The following PYY variants were observed in gnomAD, a reference collection of about 807,000 sequenced individuals.
The protein encoded by PYY is peptide tyrosine tyrosine.
A neutral mutation model predicts 10.3 loss-of-function variants in PYY; 12 were observed. The ratio of observed to expected loss-of-function variants is 1.17; its 90% confidence interval spans 0.75 to 1.89. The LOEUF is 1.89. Ranked by LOEUF, PYY falls within the 40% of genes most tolerant of loss-of-function variation. The pLI is 0.00. For missense variants in PYY, 141 were observed against 134.0 expected, an observed-to-expected ratio of 1.05 and a Z score of -0.26; for synonymous variants, 66 against 62.0, an observed-to-expected ratio of 1.06 and a Z score of -0.30.
chr17:43,980,975 G>A (rs1270529238), intron 1 of PYY, among the ~76,000 whole-genome samples: 1 of 151,798 alleles, frequency 6.6e-6, no homozygotes, highest in East Asian at 1.9e-4. Context: ...GATTACTGTG[G>A]CTACGAGCAT....
At chr17:43,982,890 A>G (rs570355758) in intron 1 of PYY, among the ~76,000 whole-genome samples, 1 of 152,068 alleles carries the variant, frequency 6.6e-6, no homozygotes, top group Non-Finnish European at 1.5e-5. Context: ...AGAAGGAGGA[A>G]AGTGGTGGCC....
chr17:43,992,110 ACT>A (rs2048960995), intron 1 of PYY, among the ~76,000 whole-genome samples: 1 of 123,756 alleles, frequency 8.1e-6, no homozygotes, highest in Non-Finnish European at 1.6e-5. Context: ...ACAGTGCAAG[ACT>A]CTGTCTCAAA....
At chr17:43,977,431 C>T (rs1291183080) in intron 1 of PYY, among the ~76,000 whole-genome samples, 1 of 152,102 alleles carries the variant, frequency 6.6e-6, no homozygotes, top group Non-Finnish European at 1.5e-5. Context: ...TTCCAGGGGC[C>T]ACTCCTGGAC....
chr17:43,960,271 G>A (rs762733648), intron 2 of PYY, among the ~76,000 whole-genome samples: 11 of 152,070 alleles, frequency 7.2e-5, no homozygotes, highest in Non-Finnish European at 1.3e-4. Context: ...GGCCGGGCGC[G>A]GTAGCTCACA....
At chr17:43,999,482 G>A (rs1317892494) in intron 1 of PYY, among the ~76,000 whole-genome samples, 1 of 151,976 alleles carries the variant, frequency 6.6e-6, no homozygotes, top group Non-Finnish European at 1.5e-5. Flanking sequence ...GGTCGCTCAC[G>A]CCTGTAATCC....
chr17:43,979,948 T>C (rs1407954011), intron 1 of PYY, among the ~76,000 whole-genome samples: 1 of 152,116 alleles, frequency 6.6e-6, no homozygotes, highest in Non-Finnish European at 1.5e-5. Context: ...ATTGTAAATG[T>C]TCAGCTCAAT....
chr17:43,963,465 G>T (rs1424547617), intron 2 of PYY, among the ~76,000 whole-genome samples: 1 of 142,556 alleles, frequency 7.0e-6, no homozygotes, highest in Non-Finnish European at 1.5e-5. Flanking sequence ...CTGAGATCAT[G>T]CCATTGCACT....
upstream of PYY, among the ~76,000 whole-genome samples, chr17:43,957,067 G>A (rs113028854): frequency 1.8e-4 from 27 of 151,988 alleles, no homozygotes; most frequent in African/African-American, 5.1e-4. Flanking sequence ...GCGTCGTGGC[G>A]CATGCCTGTA....
At chr17:43,994,057 T>A (rs959166761) in intron 1 of PYY, among the ~76,000 whole-genome samples, 31 of 152,174 alleles carry the variant, frequency 2.0e-4, no homozygotes, top group African/African-American at 6.7e-4. Context: ...TCTCTCTACA[T>A]TACCTGGGCT....
In PYY at chr17:43,987,397, G is replaced by A. The variant is rs73986675; in HGVS notation, c.-463+16994C>T. On this transcript the variant is annotated intron_variant, in intron 1 of 6. Coordinates refer to the PYY transcript ENST00000360085. The surrounding 1 kb of genome is among the most constrained non-coding windows in gnomAD (Gnocchi z 4.0). ...CCTATTCCTCTGGGCCCAGCCCATC[G>A]CCTCTACCCTGGGACTTCAGCTACA... Among the ~76,000 whole-genome samples the A allele has an allele frequency of 0.025, 3,735 of 152,250 alleles. 164 individuals carry two copies. Among genetic ancestry groups the A allele is most frequent in the African/African-American group, 0.085 (3,528 of 41,520 alleles).
intron 1 of PYY, among the ~76,000 whole-genome samples, chr17:43,970,415 G>A (rs905937353): frequency 2.0e-5 from 3 of 152,008 alleles, no homozygotes; most frequent in African/African-American, 7.2e-5. Flanking sequence ...GCTGAGGCAT[G>A]GGAATTGCTT....
At position 43,987,691 on chromosome 17, in the gene PYY, G is replaced by A. The variant is rs550001233; in HGVS notation, c.-463+16700C>T. Among the ~76,000 whole-genome samples, 2 of 152,298 alleles carry A rather than the reference G, an allele frequency of 1.3e-5. No homozygotes were observed. The highest frequency in any genetic ancestry group is 1.3e-4 in the Admixed American group (2 of 15,302). On this transcript the variant is annotated intron_variant, in intron 1 of 6. Transcript: ENST00000360085. The surrounding 1 kb of genome is among the most constrained non-coding windows in gnomAD (Gnocchi z 4.0). ...CCAACCAACATTCACTGGGCCCCTC[G>A]TCTGTGCCAGTCCTTGCTCCAGGCA...
intron 1 of PYY, among the ~76,000 whole-genome samples, chr17:43,998,907 T>C (rs1438239962): frequency 6.6e-6 from 1 of 151,954 alleles, no homozygotes; most frequent in Non-Finnish European, 1.5e-5. Flanking sequence ...AGGGGTCGAG[T>C]AGGTAGTTAG....
upstream of PYY, among the ~76,000 whole-genome samples, chr17:43,954,748 T>A (rs2048660979): frequency 6.6e-6 from 1 of 152,212 alleles, no homozygotes. Context: ...CTTCTGGGCC[T>A]GAGTGATGCC....
chr17:43,968,898 A>G (rs565266586), intron 1 of PYY, among the ~76,000 whole-genome samples: 1 of 152,178 alleles, frequency 6.6e-6, no homozygotes, highest in South Asian at 2.1e-4. Context: ...GCCTGAGGTC[A>G]GGAGTTTGAG....
At chr17:43,967,956 G>C (rs1335878044) in intron 1 of PYY, among the ~76,000 whole-genome samples, 2 of 152,162 alleles carry the variant, frequency 1.3e-5, no homozygotes, top group Non-Finnish European at 2.9e-5. Context: ...CACTGAGAGA[G>C]AGAAAAGGAA....
chr17:43,975,881 CGTGT>C lies in PYY; in HGVS notation c.-462-9353_-462-9350del. On this transcript the variant is annotated intron_variant, in intron 1 of 6. Coordinates refer to the PYY transcript ENST00000360085. Reference sequence around the variant, plus strand: ...ACGTGTACATACACGTGTCTACGTACGTGTACATACACGTGTCTACGTACGTGTA... The same window carrying C: ...ACGTGTACATACACGTGTCTACGTACACATACACGTGTCTACGTACGTGTA... Among the ~76,000 whole-genome samples the C allele has an allele frequency of 2.7e-4, 2 of 7,334 alleles. 1 individual carries two copies. Among genetic ancestry groups the C allele is most frequent in the Non-Finnish European group, 8.3e-4 (2 of 2,418 alleles). The allele number at this position is 7,334 out of a possible 152,430, so 4.8% of individuals were successfully genotyped here. A position where few individuals can be genotyped will look rare whatever the true frequency, so the allele number is the denominator to read the frequency against.
At chr17:43,963,443 G>A (rs1229890554) in intron 2 of PYY, among the ~76,000 whole-genome samples, 2 of 150,376 alleles carry the variant, frequency 1.3e-5, no homozygotes, top group Non-Finnish European at 3.0e-5. Context: ...AGGAGGCGGA[G>A]GTTACAGCGA....
chr17:43,985,999 G>A (rs1361568198), intron 1 of PYY, among the ~76,000 whole-genome samples: 1 of 152,180 alleles, frequency 6.6e-6, no homozygotes, highest in Non-Finnish European at 1.5e-5. Flanking sequence ...GCTCACGCCT[G>A]TAATCCCAGC....
Sources: allele counts gnomAD v4.1 joint callset (sites outside exome capture counted in the v4.1 genomes callset), GRCh38; gene constraint gnomAD v4.1.1; non-coding constraint Gnocchi (gnomAD v3.1); transcripts MANE v1.5; gene names NCBI Gene and HGNC (gene_info 2026-07-23, HGNC 2026-07-21).